TBC1D13: variants seen among roughly 807,000 people sequenced by gnomAD.
TBC1D13 encodes epididymis secretory sperm binding protein.
Under a neutral mutation model 53.6 loss-of-function variants are expected in TBC1D13, and 40 were observed. The ratio of observed to expected loss-of-function variants is 0.75; its 90% CI spans 0.58 to 0.97. TBC1D13 has a LOEUF of 0.97. TBC1D13 is among the 50% of genes least tolerant of loss of function. The probability of loss-of-function intolerance (pLI) is 0.00; values close to 1 mark genes in which losing one functional copy is unlikely to be tolerated. For synonymous variants in TBC1D13, 182 were observed against 197.7 expected (o/e 0.92, Z 0.67); for missense variants, 377 against 499.4 (o/e 0.75, Z 2.34).
Position 128,795,338 on chromosome 9 carries a change from G to A in TBC1D13, c.384-1717G>A, listed in dbSNP as rs972766845. Among the ~76,000 whole-genome samples the A allele has an allele frequency of 4.0e-5, 6 of 149,344 alleles. 1 individual carries two copies. Among genetic ancestry groups the A allele is most frequent in the Non-Finnish European group, 5.9e-5 (4 of 67,282 alleles). ...GTGATTTCTCCTGCCTCAGCCTCCT[G>A]AGTAGCTGGGATTACAGGCACATGC... is the stretch of plus-strand genomic sequence containing the variant. On this transcript the variant is annotated intron_variant, in intron 6 of 11. Coordinates refer to ENST00000372648, the MANE Select transcript of TBC1D13 (RefSeq NM_018201.5).
At chr9:128,805,778 A>G in intron 9 of TBC1D13, 81 bp from the exon 10 acceptor site, 1 of 1,469,878 alleles carries the variant, frequency 6.8e-7, no homozygotes, top group Admixed American at 1.9e-5. Flanking sequence ...TTCTGAATTC[A>G]CTTCTGACCC....
In TBC1D13 at chr9:128,808,067, T is replaced by A; in HGVS notation, c.*188T>A. 1 of 607,018 alleles carries A rather than the reference T, an allele frequency of 1.6e-6. No homozygotes were observed. Among genetic ancestry groups the A allele is most frequent in the Admixed American group, 2.6e-5 (1 of 38,210 alleles). 37.6% of individuals were successfully genotyped at this position (607,018 alleles called of 1,614,324 possible). A position where few individuals can be genotyped will look rare whatever the true frequency, so the allele number is the denominator to read the frequency against. On this transcript the variant is annotated 3_prime_UTR_variant, in exon 12 of 12. Transcript: ENST00000372648. Reference sequence around the variant, plus strand: ...CTGCCGCCACGCCCAGCTCCCCACCTGCCCTGCACTCTGCCCTCTTTGCCC... The same window carrying A: ...CTGCCGCCACGCCCAGCTCCCCACCAGCCCTGCACTCTGCCCTCTTTGCCC...
intron 3 of TBC1D13, 92 bp from the exon 4 acceptor site, chr9:128,791,288 G>T: frequency 8.3e-7 from 1 of 1,203,982 alleles, no homozygotes; most frequent in Admixed American, 1.7e-5. Context: ...GGGACTTTAT[G>T]AGATGTTTTT....
chr9:128,800,674 T>C (rs1003347455), intron 7 of TBC1D13, among the ~76,000 whole-genome samples: 2 of 152,264 alleles, frequency 1.3e-5, no homozygotes, highest in South Asian at 2.1e-4. Flanking sequence ...CCTTTTCTTA[T>C]GAAAATTTTC....
At chr9:128,794,304 GGC>G (rs1341478045) in intron 6 of TBC1D13, among the ~76,000 whole-genome samples, 1 of 152,196 alleles carries the variant, frequency 6.6e-6, no homozygotes, top group Non-Finnish European at 1.5e-5. Flanking sequence ...CCCCGCACAG[GGC>G]AACTCAGCCA....
At chr9:128,794,206 T>C (rs1331667263) in intron 6 of TBC1D13, among the ~76,000 whole-genome samples, 1 of 152,136 alleles carries the variant, frequency 6.6e-6, no homozygotes, top group Non-Finnish European at 1.5e-5. Flanking sequence ...AGAAGGCGCA[T>C]GGCAGGATAA....
intron 7 of TBC1D13, among the ~76,000 whole-genome samples, chr9:128,802,240 TAGAG>T (rs1829749612): frequency 6.6e-6 from 1 of 151,622 alleles, no homozygotes; most frequent in Non-Finnish European, 1.5e-5. Context: ...GTATTTTTAA[TAGAG>T]ACAGGGTTTC....
At chr9:128,789,044 G>T (rs369522310) in intron 2 of TBC1D13, among the ~76,000 whole-genome samples, 1 of 152,144 alleles carries the variant, frequency 6.6e-6, no homozygotes, top group African/African-American at 2.4e-5. Context: ...ACTTCTGGCC[G>T]GGTGCCGTGG....
rs1342513698 is a variant in TBC1D13, at chr9:128,805,888, T to C, written c.948T>C (p.Phe316=). 1 of 1,614,116 alleles carries C rather than the reference T, an allele frequency of 6.2e-7. No individual in the cohort carries two copies. The highest frequency in any genetic ancestry group is 1.1e-5 in the South Asian group (1 of 91,088). The change falls in exon 10 of 12, where the codon TTT becomes TTC. Residue 316 remains phenylalanine, a synonymous_variant. Coordinates refer to ENST00000372648, the MANE Select transcript of TBC1D13 (RefSeq NM_018201.5). ...AGCAGAACATCAAGCCTCAGTTCTTTGCCTTCCGCTGGCTGACACTGCTGC... is the reference window on the plus strand; with the variant it reads ...AGCAGAACATCAAGCCTCAGTTCTTCGCCTTCCGCTGGCTGACACTGCTGC... The part of the protein sequence containing the change: ...LQEQNIKPQF[F]AFRWLTLLLS...
intron 7 of TBC1D13, among the ~76,000 whole-genome samples, chr9:128,799,327 G>A (rs113733794): frequency 1.2e-4 from 18 of 152,184 alleles, no homozygotes; most frequent in African/African-American, 4.1e-4. Flanking sequence ...CTCTGGGTTC[G>A]TGATTGGGCA....
intron 9 of TBC1D13, among the ~76,000 whole-genome samples, chr9:128,804,886 G>A (rs1195623259): frequency 2.0e-5 from 3 of 151,854 alleles, no homozygotes; most frequent in African/African-American, 4.8e-5. Context: ...GCGTTACCAC[G>A]CCTGGCTAGT....
intron 6 of TBC1D13, 58 bp from the exon 7 acceptor site, chr9:128,796,997 G>T (rs1008692828): frequency 6.3e-7 from 1 of 1,591,804 alleles, no homozygotes; most frequent in African/African-American, 1.3e-5. Context: ...CCTGGCAGAT[G>T]GGATGGCGAA....
At chr9:128,800,005 A>G (rs184733685) in intron 7 of TBC1D13, among the ~76,000 whole-genome samples, 156 of 152,380 alleles carry the variant, frequency 1.0e-3, no homozygotes, top group African/African-American at 3.6e-3. Flanking sequence ...TGGGCGACAG[A>G]GCGAGACTCC....
intron 9 of TBC1D13, among the ~76,000 whole-genome samples, chr9:128,805,330 C>CT (rs958121149): frequency 1.3e-5 from 2 of 151,212 alleles, no homozygotes; most frequent in African/African-American, 2.4e-5. Context: ...GACCTCATCT[C>CT]TAAAAAAAAA....
chr9:128,804,298 AG>A (rs1829788827), intron 9 of TBC1D13, among the ~76,000 whole-genome samples, 179 bp downstream of exon 9: 1 of 152,266 alleles, frequency 6.6e-6, no homozygotes, highest in South Asian at 2.1e-4. Context: ...CTGGGAGGGA[AG>A]GGGAAAGTTG....
Position 128,802,053 on chromosome 9 carries a change from A to G in TBC1D13, c.544-1197A>G, listed in dbSNP as rs539047219. ...TGGGATTACAGGCGTGAGCCACCGC[A>G]CCCAGCCTGTTTGTTTTTTGAAATG... On this transcript the variant is annotated intron_variant, in intron 7 of 11. Transcript: ENST00000372648. 1.0e-4 allele frequency among the ~76,000 whole-genome samples: 15 copies of G among 143,048 alleles called. 2 individuals are homozygous for G. The highest frequency in any genetic ancestry group is 2.3e-4 in the African/African-American group (9 of 39,480). 93.8% of individuals were successfully genotyped at this position (143,048 alleles called of 152,430 possible). A position where few individuals can be genotyped will look rare whatever the true frequency, so the allele number is the denominator to read the frequency against.
chr9:128,806,243 G>C lies in TBC1D13; in HGVS notation c.1080-11G>C, dbSNP rs780179575. ...CCCAGGTCCCAGCGCTTTTGCTGCT[G>C]CTTTTCATAGGCTGATCCGGGAGCA... On this transcript the variant is annotated splice_polypyrimidine_tract_variant and intron_variant, in intron 10 of 11. Coordinates refer to ENST00000372648, the MANE Select transcript of TBC1D13 (RefSeq NM_018201.5). 6.2e-7 allele frequency: 1 copy of C among 1,613,510 alleles called. No homozygotes were observed. Among genetic ancestry groups the C allele is most frequent in the Non-Finnish European group, 8.5e-7 (1 of 1,179,390 alleles).
chr9:128,807,909 A>AG lies in TBC1D13; in HGVS notation c.*31dup. 2.5e-6 allele frequency: 4 copies of AG among 1,604,406 alleles called. No individual in the cohort carries two copies. The highest frequency in any genetic ancestry group is 3.4e-6 in the Non-Finnish European group (4 of 1,171,102). ...GCGGCAAGAGGCCCATGTTCCGGAG[A>AG]GAAGCCTCCCGACCCTGTGCCCTGG... On this transcript the variant is annotated 3_prime_UTR_variant, in exon 12 of 12. Transcript: ENST00000372648.
At chr9:128,789,792 CAT>C (rs10529215) in intron 2 of TBC1D13, 148 of 9,302 alleles carry the variant, frequency 0.016, 1 homozygote, top group African/African-American at 0.056. Flanking sequence ...GAAAATACAC[CAT>C]ATATATATAT....
Sources: allele counts gnomAD v4.1 joint callset (sites outside exome capture counted in the v4.1 genomes callset), GRCh38; gene constraint gnomAD v4.1.1; transcripts MANE v1.5; gene names NCBI Gene and HGNC (gene_info 2026-07-23, HGNC 2026-07-21).